KIF26B: variants seen among roughly 807,000 people sequenced by gnomAD.
KIF26B encodes kinesin family member 26B.
Under a neutral mutation model 151.2 loss-of-function variants are expected in KIF26B, and 63 were observed. The ratio of observed to expected loss-of-function variants is 0.42; its 90% CI spans 0.34 to 0.51. The LOEUF (loss-of-function observed/expected upper bound fraction) is 0.51, where lower values mean the gene tolerates loss of function less well. Ranked by LOEUF, KIF26B falls within the 20% of genes least tolerant of loss-of-function variation. The probability of loss-of-function intolerance (pLI) is 0.07; values close to 1 mark genes in which losing one functional copy is unlikely to be tolerated. For synonymous variants in KIF26B, 1,357 were observed against 1,262.1 expected (o/e 1.08, Z -1.59); for missense variants, 2,813 against 2,913.6 (o/e 0.97, Z 0.79).
intron 9 of KIF26B, among the ~76,000 whole-genome samples, chr1:245,622,706 G>C (rs2043677332): frequency 6.6e-6 from 1 of 152,180 alleles, no homozygotes; most frequent in Non-Finnish European, 1.5e-5. Context: ...AAGAGTTGCT[G>C]TCCTGGCAGT....
intron 5 of KIF26B, among the ~76,000 whole-genome samples, chr1:245,550,676 A>G (rs1308593397): frequency 1.3e-5 from 2 of 152,224 alleles, no homozygotes; most frequent in South Asian, 4.1e-4. Flanking sequence ...GGCCAGGCAC[A>G]TGCTGGAAAA....
chr1:245,564,566 A>C lies in KIF26B; in HGVS notation c.1350+23616A>C, dbSNP rs1308713651. Among the ~76,000 whole-genome samples the C allele has an allele frequency of 6.6e-6, 1 of 152,170 alleles. No homozygotes were observed. The highest frequency in any genetic ancestry group is 1.9e-4 in the East Asian group (1 of 5,190). Reference sequence around the variant, plus strand: ...AGGACTCCTTTCACTGTGCATCTTTAGACGAAGCATCAACAAAGGCTTTTT... The same window carrying C: ...AGGACTCCTTTCACTGTGCATCTTTCGACGAAGCATCAACAAAGGCTTTTT... On this transcript the variant is annotated intron_variant, in intron 5 of 14. Transcript: ENST00000407071. The surrounding 1 kb of genome is among the most constrained non-coding windows in gnomAD (Gnocchi z 4.6).
chr1:245,415,538 C>T (rs1173651), intron 3 of KIF26B, among the ~76,000 whole-genome samples: 41,642 of 151,900 alleles, frequency 0.27, 6,222 homozygotes, highest in South Asian at 0.39. Context: ...AAACCATAGC[C>T]GGTCTAACAG....
At chr1:245,691,247 C>T (rs1372794361) in intron 12 of KIF26B, among the ~76,000 whole-genome samples, 1 of 152,344 alleles carries the variant, frequency 6.6e-6, no homozygotes, top group Non-Finnish European at 1.5e-5. Context: ...TGTGAAGTGA[C>T]TGCTTGGCGA....
At chr1:245,222,750 A>G (rs116501238) in intron 2 of KIF26B, among the ~76,000 whole-genome samples, 1,974 of 152,332 alleles carry the variant, frequency 0.013, 28 homozygotes, top group African/African-American at 0.044. Context: ...AAAAATTTTA[A>G]AAACAATACC....
chr1:245,508,538 C>T (rs1324782138), intron 4 of KIF26B, among the ~76,000 whole-genome samples: 1 of 152,088 alleles, frequency 6.6e-6, no homozygotes, highest in East Asian at 1.9e-4. Context: ...TCTACAGTTC[C>T]TCTTTTTTTT....
intron 2 of KIF26B, among the ~76,000 whole-genome samples, chr1:245,207,627 G>A (rs1669433441): frequency 6.6e-6 from 1 of 152,144 alleles, no homozygotes; most frequent in Admixed American, 6.5e-5. Context: ...ACTGGACCCG[G>A]AAGAAACATG....
rs1257044493 is a variant in KIF26B at position 245,687,443 on chromosome 1, G to C, written c.4460G>C (p.Gly1487Ala). The C allele has an allele frequency of 6.3e-7, 1 of 1,589,290 alleles. No homozygotes were observed. The highest frequency in any genetic ancestry group is 1.2e-5 in the South Asian group (1 of 86,916). Residue 1487 changes from glycine (G) to alanine (A), a missense_variant, in exon 12 of 15, where the codon GGA becomes GCA. By Grantham distance (60) the Gly-to-Ala change is moderately conservative. This residue lies in a region of KIF26B where 2,060 missense variants were observed against 2,088.6 expected (regional missense o/e 0.99). Coordinates refer to ENST00000407071, the MANE Select transcript of KIF26B (RefSeq NM_018012.4). This position sits in a 1 kb window ranked among gnomAD's most constrained non-coding sequence, Gnocchi z 4.9. ...EQEQDGKPSP[G>A]DRLSSSSGEV... ...GAGCAGGACGGAAAGCCCAGTCCGG[G>C]AGACAGGCTCAGCAGCAGCAGCGGA...
At chr1:245,519,899 GT>G (rs1327720137) in intron 4 of KIF26B, among the ~76,000 whole-genome samples, 3 of 152,160 alleles carry the variant, frequency 2.0e-5, no homozygotes, top group Admixed American at 1.3e-4. Context: ...ACTGTATTTG[GT>G]TTAGCCCATG....
chr1:245,190,629 G>GTTTTTTTTTTTTTTTTTTTTT (rs768099890), intron 2 of KIF26B, among the ~76,000 whole-genome samples: 1 of 80,078 alleles, frequency 1.2e-5, no homozygotes, highest in African/African-American at 4.2e-5. Context: ...TTCCCTGAAT[G>GTTTTTTTTTTTTTTTTTTTTT]TTTTGTTTTG....
intron 4 of KIF26B, chr1:245,511,088 T>C (rs1221555271): frequency 1.1e-5 from 8 of 716,976 alleles, no homozygotes; most frequent in Non-Finnish European, 2.1e-5. Context: ...CACTTGATTA[T>C]TTAGCCATGA....
In KIF26B at chr1:245,213,893, A is replaced by G. The variant is rs543399472; in HGVS notation, c.465+57210A>G. On this transcript the variant is annotated intron_variant, in intron 2 of 14. Transcript: ENST00000407071. ...TTGTACCTGGAACGTACATTTTTCT[A>G]AAGTTGCCACACAGTAAGACTCCCA... Among the ~76,000 whole-genome samples, 43 of 152,298 alleles carry G rather than the reference A, an allele frequency of 2.8e-4. No homozygotes were observed. The South Asian group carries it at 8.5e-3, about 30-fold the overall frequency.
At chr1:245,699,830 A>G (rs1031055853) in intron 14 of KIF26B, among the ~76,000 whole-genome samples, 25 of 151,982 alleles carry the variant, frequency 1.6e-4, no homozygotes, top group Admixed American at 6.5e-4. Context: ...CACTGCCCCA[A>G]CCCTCTTCCA....
chr1:245,504,886 C>T (rs769893507), intron 4 of KIF26B, among the ~76,000 whole-genome samples: 5 of 152,126 alleles, frequency 3.3e-5, no homozygotes, highest in Non-Finnish European at 7.3e-5. Flanking sequence ...TCCCTAATTT[C>T]CTATGGAATG....
chr1:245,271,420 T>C (rs1670854882), intron 2 of KIF26B, among the ~76,000 whole-genome samples: 2 of 152,178 alleles, frequency 1.3e-5, no homozygotes, highest in African/African-American at 4.8e-5. Flanking sequence ...ATATGGACTT[T>C]ATTATGTTGA....
intron 2 of KIF26B, among the ~76,000 whole-genome samples, chr1:245,286,347 G>C (rs531145506): frequency 2.0e-5 from 3 of 152,086 alleles, no homozygotes; most frequent in African/African-American, 7.2e-5. Context: ...TTTGAGACCA[G>C]CCTGGCCAAC....
chr1:245,630,635 G>A (rs2043771334), intron 9 of KIF26B, among the ~76,000 whole-genome samples: 1 of 152,068 alleles, frequency 6.6e-6, no homozygotes, highest in Non-Finnish European at 1.5e-5. Context: ...TAATGCATGT[G>A]GGGCTTAAAA....
At chr1:245,312,958 G>A (rs192322902) in intron 2 of KIF26B, among the ~76,000 whole-genome samples, 228 of 152,086 alleles carry the variant, frequency 1.5e-3, no homozygotes, top group Admixed American at 1.9e-3. Context: ...TCAAGAGATC[G>A]AGACCATCCT....
chr1:245,326,962 G>A (rs972720886), intron 2 of KIF26B, among the ~76,000 whole-genome samples: 4 of 152,008 alleles, frequency 2.6e-5, no homozygotes, highest in Admixed American at 1.3e-4. Context: ...GTTTCCTATC[G>A]CTTACAGTTG....
Sources: allele counts gnomAD v4.1 joint callset (sites outside exome capture counted in the v4.1 genomes callset), GRCh38; gene constraint gnomAD v4.1.1; regional missense constraint gnomAD v4.1.1; non-coding constraint Gnocchi (gnomAD v3.1); transcripts MANE v1.5; gene names NCBI Gene and HGNC (gene_info 2026-07-23, HGNC 2026-07-21).